The following SCAND3 variants were observed in gnomAD, a reference collection of about 807,000 sequenced individuals.
SCAND3 encodes the protein SCAN domain containing 3, also known as SCAN domain-containing protein 3.
the SCAND3 span, among the ~76,000 whole-genome samples, chr6:28,602,486 G>A: frequency 6.6e-6 from 1 of 152,210 alleles, no homozygotes; most frequent in South Asian, 2.1e-4. Context: ...GGGATTACAG[G>A]CGTGAGCCAC....
chr6:28,583,715 A>G, the SCAND3 span, among the ~76,000 whole-genome samples: 1 of 152,178 alleles, frequency 6.6e-6, no homozygotes, highest in African/African-American at 2.4e-5. Context: ...ATCTACTCCA[A>G]CTGCTTCTCT....
the SCAND3 span, chr6:28,574,498 TA>T: frequency 5.6e-6 from 4 of 710,854 alleles, no homozygotes; most frequent in African/African-American, 7.2e-5. Flanking sequence ...GAAGAAGCAT[TA>T]AAAGTAATTA....
the SCAND3 span, chr6:28,571,908 C>G: frequency 6.2e-7 from 1 of 1,611,086 alleles, no homozygotes; most frequent in Non-Finnish European, 8.5e-7. Context: ...ATATTTAAAG[C>G]TTTTAATGTG....
chr6:28,616,017 T>C, the SCAND3 span: 2 of 152,336 alleles, frequency 1.3e-5, no homozygotes, highest in Non-Finnish European at 2.9e-5. The surrounding 1 kb of genome is among the most constrained non-coding windows in gnomAD (Gnocchi z 4.3). Context: ...TGAGAGTAGC[T>C]TTCTCACCTT....
the SCAND3 span, among the ~76,000 whole-genome samples, chr6:28,582,782 G>A: frequency 6.6e-6 from 1 of 152,126 alleles, no homozygotes; most frequent in Non-Finnish European, 1.5e-5. This position sits in a 1 kb window ranked among gnomAD's most constrained non-coding sequence, Gnocchi z 4.8. Flanking sequence ...TTAGCTGGGC[G>A]TGGTGGCGCT....
chr6:28,583,710 C>T, the SCAND3 span, among the ~76,000 whole-genome samples: 1 of 152,208 alleles, frequency 6.6e-6, no homozygotes, highest in East Asian at 1.9e-4. Context: ...CTTTTATCTA[C>T]TCCAACTGCT....
the SCAND3 span, among the ~76,000 whole-genome samples, chr6:28,578,379 G>A: frequency 6.6e-6 from 1 of 152,062 alleles, no homozygotes; most frequent in South Asian, 2.1e-4. Flanking sequence ...GATGCAACAA[G>A]ACTGTAAGTT....
At chr6:28,578,910 C>A in the SCAND3 span, among the ~76,000 whole-genome samples, 2 of 152,146 alleles carry the variant, frequency 1.3e-5, no homozygotes, top group East Asian at 3.8e-4. Context: ...AATAGTATTT[C>A]CAATGTATAC....
chr6:28,571,897 A>C, the SCAND3 span: 2 of 1,607,064 alleles, frequency 1.2e-6, no homozygotes, highest in Non-Finnish European at 1.7e-6. Context: ...CTTACATATC[A>C]ATATTTAAAG....
the SCAND3 span, chr6:28,573,260 G>C: frequency 3.1e-6 from 5 of 1,613,844 alleles, no homozygotes; most frequent in African/African-American, 6.7e-5. Flanking sequence ...TCCTGAATAC[G>C]TCGAGCTATG....
chr6:28,606,292 TTG>T, the SCAND3 span, among the ~76,000 whole-genome samples: 1 of 152,092 alleles, frequency 6.6e-6, no homozygotes, highest in Non-Finnish European at 1.5e-5. Context: ...TATAAATTGT[TTG>T]AGAAAGAGAG....
At chr6:28,595,919 C>T in the SCAND3 span, among the ~76,000 whole-genome samples, 1 of 152,158 alleles carries the variant, frequency 6.6e-6, no homozygotes, top group East Asian at 1.9e-4. Context: ...GCCCAGAATT[C>T]TTCATTCATA....
the SCAND3 span, among the ~76,000 whole-genome samples, chr6:28,598,888 A>AAAAG: frequency 6.0e-5 from 9 of 149,190 alleles, no homozygotes; most frequent in Non-Finnish European, 1.2e-4. Context: ...AAAAAAAAAA[A>AAAAG]AAAAAAGAAA....
At chr6:28,586,001 T>TA in the SCAND3 span, among the ~76,000 whole-genome samples, 7 of 152,186 alleles carry the variant, frequency 4.6e-5, no homozygotes, top group Non-Finnish European at 7.3e-5. This position sits in a 1 kb window ranked among gnomAD's most constrained non-coding sequence, Gnocchi z 4.4. Flanking sequence ...AGTAATTTTT[T>TA]AAAAAAAATT....
the SCAND3 span, among the ~76,000 whole-genome samples, chr6:28,605,084 C>T: frequency 6.6e-6 from 1 of 152,148 alleles, no homozygotes; most frequent in African/African-American, 2.4e-5. Flanking sequence ...AAATATTCAT[C>T]CTCACAGTTG....
chr6:28,609,498 T>A, the SCAND3 span, among the ~76,000 whole-genome samples: 1 of 152,194 alleles, frequency 6.6e-6, no homozygotes, highest in Non-Finnish European at 1.5e-5. Flanking sequence ...GAGGGAAAGA[T>A]TTTTCTTCTC....
chr6:28,571,159 C>T, the SCAND3 span: 20 of 152,010 alleles, frequency 1.3e-4, no homozygotes, highest in African/African-American at 4.6e-4. Context: ...ACTATAAATA[C>T]AAAAATTAGC....
At chr6:28,599,862 G>A in the SCAND3 span, among the ~76,000 whole-genome samples, 1 of 152,018 alleles carries the variant, frequency 6.6e-6, no homozygotes, top group Non-Finnish European at 1.5e-5. Context: ...TGACAAGAGA[G>A]CAAAGGCAGT....
chr6:28,587,577 G>A, the SCAND3 span: 2 of 152,154 alleles, frequency 1.3e-5, no homozygotes, highest in Non-Finnish European at 2.9e-5. Context: ...ACTCAGACCC[G>A]TGGTGCTCAC....
Sources: gnomAD v4.1 joint callset for allele counts (sites outside exome capture counted in the v4.1 genomes callset) on GRCh38, gnomAD v4.1.1 for gene constraint, Gnocchi (gnomAD v3.1) non-coding constraint, MANE v1.5 for transcripts, NCBI Gene and HGNC (gene_info 2026-07-23, HGNC 2026-07-21) for gene names.